The following ZZEF1 variants were observed in gnomAD, a reference collection of about 807,000 sequenced individuals.
ZZEF1 encodes zinc finger ZZ-type and EF-hand domain containing 1.
A neutral mutation model predicts 342.8 loss-of-function variants in ZZEF1; 157 were observed. The observed-to-expected ratio is 0.46, with a 90% CI of 0.40 to 0.52. The LOEUF (loss-of-function observed/expected upper bound fraction) is 0.52, where lower values mean the gene tolerates loss of function less well. Among genes scored for constraint, ZZEF1 ranks in the 20% least tolerant of loss-of-function variants. The pLI, the probability that ZZEF1 is intolerant of heterozygous loss-of-function variation, is 0.00. For missense variants in ZZEF1, 3,480 were observed against 3,725.6 expected, an observed-to-expected ratio of 0.93 and a Z score of 1.72; for synonymous variants, 1,505 against 1,429.1, an observed-to-expected ratio of 1.05 and a Z score of -1.20.
chr17:4,122,771 T>C (rs748962445), intron 2 of ZZEF1, among the ~76,000 whole-genome samples: 1 of 152,168 alleles, frequency 6.6e-6, no homozygotes, highest in African/African-American at 2.4e-5. Context: ...CAGTTACCTG[T>C]GGTCAATAAA....
chr17:4,059,077 G>C (rs560169912), intron 31 of ZZEF1, 94 bp downstream of exon 31: 1 of 1,081,404 alleles, frequency 9.2e-7, no homozygotes, highest in African/African-American at 1.7e-5. Context: ...TATTCTTTGT[G>C]CTTTTTGGTA....
At chr17:4,069,851 A>C (rs2057474675) in intron 26 of ZZEF1, among the ~76,000 whole-genome samples, 1 of 152,086 alleles carries the variant, frequency 6.6e-6, no homozygotes, top group South Asian at 2.1e-4. Context: ...ACAAAACAAA[A>C]CAAAATGAGC....
At chr17:4,088,130 G>A (rs182658792) in intron 13 of ZZEF1, among the ~76,000 whole-genome samples, 1 of 152,086 alleles carries the variant, frequency 6.6e-6, no homozygotes, top group East Asian at 1.9e-4. Context: ...CTACACATGC[G>A]AGGGCTCCAC....
intron 42 of ZZEF1, among the ~76,000 whole-genome samples, chr17:4,028,738 G>A (rs1404814507): frequency 6.6e-6 from 1 of 152,004 alleles, no homozygotes. Context: ...GGATATGAAG[G>A]GCCAAGAGTA....
chr17:4,089,242 T>C (rs1265064508), intron 12 of ZZEF1, among the ~76,000 whole-genome samples: 1 of 152,168 alleles, frequency 6.6e-6, no homozygotes, highest in Non-Finnish European at 1.5e-5. Context: ...AAACAGTCAA[T>C]GCCCTCCACC....
At position 4,114,420 on chromosome 17, in the gene ZZEF1, C is replaced by G; in HGVS notation, c.745G>C (p.Val249Leu). 2 of 1,609,712 alleles carry G rather than the reference C, an allele frequency of 1.2e-6. No individual in the cohort carries two copies. The highest frequency in any genetic ancestry group is 8.5e-7 in the Non-Finnish European group (1 of 1,178,124). The change falls in exon 4 of 55, where the codon GTA becomes CTA. Residue 249 changes from valine to leucine, a missense_variant. By Grantham distance (32) the Val-to-Leu change is conservative. This residue lies in a region of ZZEF1 where 416 missense variants were observed against 374.2 expected (regional missense o/e 1.11). Transcript: ENST00000381638. ...TCTATATAAGCATAGCACTTTGCTA[C>G]TGACTTGAGTTTATCCATCTCTGGA... ...RSPEMDKLKSVAKCYAYIETS... is the reference protein window; with the variant it reads ...RSPEMDKLKSLAKCYAYIETS...
At chr17:4,042,602 G>A (rs780325084) in intron 38 of ZZEF1, 34 bp from the exon 39 acceptor site, 38 of 1,604,832 alleles carry the variant, frequency 2.4e-5, no homozygotes, top group Non-Finnish European at 3.0e-5. Flanking sequence ...GAATTTGCCT[G>A]CATCTCCACA....
intron 42 of ZZEF1, 54 bp downstream of exon 42, chr17:4,032,072 G>A: frequency 6.3e-7 from 1 of 1,579,440 alleles, no homozygotes; most frequent in Non-Finnish European, 8.6e-7. Context: ...TTAGGGTACG[G>A]AGGGATTAGG....
At chr17:4,073,785 T>C (rs1381969491) in intron 24 of ZZEF1, among the ~76,000 whole-genome samples, 4 of 152,108 alleles carry the variant, frequency 2.6e-5, no homozygotes, top group Non-Finnish European at 4.4e-5. Flanking sequence ...CATATCTACA[T>C]ATATTTACAT....
chr17:4,123,142 G>GA (rs1435806752), intron 2 of ZZEF1, among the ~76,000 whole-genome samples: 1 of 149,780 alleles, frequency 6.7e-6, no homozygotes, highest in Non-Finnish European at 1.5e-5. Flanking sequence ...GAATGATCTC[G>GA]ATCTCCTGAC....
In ZZEF1 at chr17:4,115,674, T is replaced by C. The variant is rs527394681; in HGVS notation, c.695-1204A>G. On this transcript the variant is annotated intron_variant, in intron 3 of 54. Transcript: ENST00000381638. ...TAAGACTCCGTCGCAAATAAATAAA[T>C]AAAATAAAATAAATAAACTAAGGAA... Among the ~76,000 whole-genome samples, 29 of 152,174 alleles carry C rather than the reference T, an allele frequency of 1.9e-4. No homozygotes were observed. In the South Asian group the frequency reaches 5.8e-3, roughly 30 times the overall value.
intron 1 of ZZEF1, among the ~76,000 whole-genome samples, chr17:4,134,578 C>G (rs1160762511): frequency 2.0e-5 from 3 of 151,934 alleles, no homozygotes; most frequent in Non-Finnish European, 2.9e-5. Flanking sequence ...TAGTGAGCAC[C>G]AGGCAGAGTT....
rs1424642892 is a variant in ZZEF1, at chr17:4,008,097, A to G, written c.8805+786T>C. Among the ~76,000 whole-genome samples the G allele has an allele frequency of 1.3e-5, 2 of 151,712 alleles. No individual in the cohort carries two copies. The highest frequency in any genetic ancestry group is 2.9e-5 in the Non-Finnish European group (2 of 67,986). On this transcript the variant is annotated intron_variant, in intron 54 of 54. Transcript: ENST00000381638. This position sits in a 1 kb window ranked among gnomAD's most constrained non-coding sequence, Gnocchi z 4.2. ...TTTTGACTTTCCTTCTCCTGAGTAT[A>G]TGGTGGAGTGTTCCAGAGCCTGACG...
chr17:4,112,095 T>TATATA (rs1268146017), intron 5 of ZZEF1, among the ~76,000 whole-genome samples: 10 of 88,182 alleles, frequency 1.1e-4, no homozygotes, highest in Non-Finnish European at 1.4e-4. Flanking sequence ...TATATATATG[T>TATATA]TTTGTTTTGT....
rs370929734 is a variant in ZZEF1, at chr17:4,090,722, G to A, written c.2022C>T (p.Ala674=). The change falls in exon 12 of 55, where the codon GCC becomes GCT. Residue 674 remains alanine, a synonymous_variant. Transcript: ENST00000381638. ...ADVKLQQCRV[A]KYLMVKFLCT... The stretch of plus-strand genomic sequence containing the variant: ...CAAACGACGCACTAATGCTTACTTT[G>A]GCAACTCTGCACTGTTGCAGCTTCA... 6 of 1,613,374 alleles carry A rather than the reference G, an allele frequency of 3.7e-6. No individual in the cohort carries two copies. The highest frequency in any genetic ancestry group is 1.3e-5 in the African/African-American group (1 of 75,020).
intron 16 of ZZEF1, among the ~76,000 whole-genome samples, chr17:4,084,481 GTACA>G (rs2057782808): frequency 6.6e-6 from 1 of 152,038 alleles, no homozygotes; most frequent in East Asian, 1.9e-4. Context: ...TTGCTGTCTT[GTACA>G]CATTTCTCTA....
At position 4,059,139 on chromosome 17, in the gene ZZEF1, T is replaced by C. The variant is rs1157682646; in HGVS notation, c.5003+32A>G. ...TTATAATCAGAAAAAAATACATTTT[T>C]TTTCTCTAGAAATGATAAAGTTATC... On this transcript the variant is annotated intron_variant, in intron 31 of 54. Transcript: ENST00000381638. 4 of 1,525,598 alleles carry C rather than the reference T, an allele frequency of 2.6e-6. No homozygotes were observed. In the East Asian group the frequency reaches 7.1e-5, roughly 27 times the overall value. 94.5% of individuals were successfully genotyped at this position (1,525,598 alleles called of 1,614,324 possible).
At chr17:4,127,463 T>C (rs4790564) in intron 1 of ZZEF1, among the ~76,000 whole-genome samples, 115,733 of 152,106 alleles carry the variant, frequency 0.76, 46,340 homozygotes, top group East Asian at 1. Flanking sequence ...CAAAATAATA[T>C]GGATAGGGGA....
chr17:4,084,105 T>C (rs2057775902), intron 16 of ZZEF1, among the ~76,000 whole-genome samples: 1 of 152,220 alleles, frequency 6.6e-6, no homozygotes, highest in Non-Finnish European at 1.5e-5. Context: ...GTAAGCATCC[T>C]TGTCTTATTC....
Sources: allele counts gnomAD v4.1 joint callset (sites outside exome capture counted in the v4.1 genomes callset), GRCh38; gene constraint gnomAD v4.1.1; regional missense constraint gnomAD v4.1.1; non-coding constraint Gnocchi (gnomAD v3.1); transcripts MANE v1.5; gene names NCBI Gene and HGNC (gene_info 2026-07-23, HGNC 2026-07-21).